PRSS48: variants seen among roughly 807,000 people sequenced by gnomAD.
PRSS48 encodes the protein epidermis-specific serine protease-like protein.
In PRSS48, 21 loss-of-function variants were observed where a neutral mutation model predicts 25.6. The observed-to-expected ratio is 0.82, with a 90% confidence interval of 0.58 to 1.18. PRSS48 has a LOEUF of 1.18. Among genes scored for constraint, PRSS48 ranks in the 50% most tolerant of loss-of-function variants. The probability of loss-of-function intolerance (pLI) is 0.00; values close to 1 mark genes in which losing one functional copy is unlikely to be tolerated. For missense variants in PRSS48, 373 were observed against 399.3 expected (o/e 0.93, Z 0.56); for synonymous variants, 150 against 149.3 (o/e 1.00, Z -0.04).
chr4:151,288,215 A>G (rs1449678425), intron 4 of PRSS48, among the ~76,000 whole-genome samples: 1 of 152,242 alleles, frequency 6.6e-6, no homozygotes, highest in African/African-American at 2.4e-5. Flanking sequence ...AGGTCAGGAA[A>G]GAGACAAGGA....
exon 5 of PRSS48, chr4:151,291,375 A>G: frequency 6.2e-7 from 1 of 1,614,014 alleles, no homozygotes; most frequent in Non-Finnish European, 8.5e-7. Context: ...TACACAGAGT[A>G]GGCACTGTAG....
At chr4:151,285,053 A>G (rs965060837) in intron 4 of PRSS48, among the ~76,000 whole-genome samples, 1 of 152,136 alleles carries the variant, frequency 6.6e-6, no homozygotes, top group Admixed American at 6.5e-5. Context: ...ACCAGCCACT[A>G]TGCATGATAA....
chr4:151,283,199 C>T (rs561332124), exon 4 of PRSS48: 46 of 1,613,848 alleles, frequency 2.9e-5, no homozygotes, highest in Middle Eastern at 1.6e-4. Context: ...ACAATCCCAT[C>T]GGTATCTTCT....
At chr4:151,277,776 C>T (rs775121395) in intron 1 of PRSS48, among the ~76,000 whole-genome samples, 14 of 152,314 alleles carry the variant, frequency 9.2e-5, no homozygotes, top group Non-Finnish European at 1.5e-4. Flanking sequence ...CACAGCAGCT[C>T]ACGCCTGTAA....
chr4:151,283,182 C>T lies in PRSS48; in HGVS notation c.547C>T (p.Gln183Ter), dbSNP rs1774414806. The change falls in exon 4 of 5, where the codon CAG becomes TAG. Residue 183 changes from glutamine to a stop codon, truncating the protein, a stop_gained. Transcript: ENST00000455694. LOFTEE classifies it high-confidence loss of function. ...CATTATTGACCGCCAGGCTTGTGAA[C>T]AGCTCTACAATCCCATCGGTATCTT... is the stretch of plus-strand genomic sequence containing the variant. The T allele has an allele frequency of 6.2e-7, 1 of 1,613,744 alleles. No individual in the cohort carries two copies.
At chr4:151,282,289 A>T in exon 3 of PRSS48, 1 of 1,613,914 alleles carries the variant, frequency 6.2e-7, no homozygotes, top group Non-Finnish European at 8.5e-7. Context: ...CCTTGTTGAA[A>T]CTGTCCTCTC....
intron 4 of PRSS48, among the ~76,000 whole-genome samples, chr4:151,290,713 A>G (rs1775239095): frequency 6.6e-6 from 1 of 152,220 alleles, no homozygotes. Flanking sequence ...GAAAGAGAAC[A>G]AGACTAGAAG....
At chr4:151,290,735 C>T (rs1242788558) in intron 4 of PRSS48, among the ~76,000 whole-genome samples, 1 of 152,176 alleles carries the variant, frequency 6.6e-6, no homozygotes, top group Non-Finnish European at 1.5e-5. Flanking sequence ...CTACTACCAA[C>T]AACTATCACT....
intron 4 of PRSS48, among the ~76,000 whole-genome samples, chr4:151,288,366 T>C (rs1251541455): frequency 2.6e-5 from 4 of 152,176 alleles, no homozygotes; most frequent in South Asian, 2.1e-4. Flanking sequence ...ATTTTATAAA[T>C]AGAAAATCTA....
At chr4:151,283,789 T>G (rs1413052126) in intron 4 of PRSS48, among the ~76,000 whole-genome samples, 3 of 152,144 alleles carry the variant, frequency 2.0e-5, no homozygotes, top group Non-Finnish European at 4.4e-5. Flanking sequence ...TTGCTAGACT[T>G]TTATAGACCT....
intron 2 of PRSS48, among the ~76,000 whole-genome samples, 189 bp downstream of exon 2, chr4:151,280,147 A>G (rs1275401347): frequency 6.6e-6 from 1 of 152,272 alleles, no homozygotes; most frequent in Non-Finnish European, 1.5e-5. Flanking sequence ...AAAGTTGGAG[A>G]CAGGCACTAT....
At chr4:151,277,345 A>T (rs944643760) in intron 1 of PRSS48, 121 bp downstream of exon 1, 13 of 650,882 alleles carry the variant, frequency 2.0e-5, no homozygotes, top group Non-Finnish European at 2.7e-5. Context: ...CAGCCTGAGA[A>T]GGTCCTGAGA....
rs1270190141 is a variant in PRSS48, at chr4:151,283,149, G to A, written c.514G>A (p.Glu172Lys). Reference sequence around the variant, plus strand: ...TTACCATTCTGCCCTTCAGGAAGCAGAAGTACCCATTATTGACCGCCAGGC... The same window carrying A: ...TTACCATTCTGCCCTTCAGGAAGCAAAAGTACCCATTATTGACCGCCAGGC... The change falls in exon 4 of 5, where the codon GAA (glutamate) becomes AAA (lysine). Residue 172 changes from glutamate (E) to lysine (K), a missense_variant. Coordinates refer to ENST00000455694, the Ensembl canonical transcript of PRSS48. The A allele has an allele frequency of 1.9e-6, 3 of 1,613,748 alleles. No homozygotes were observed. The African/African-American group carries it at 4.0e-5, about 22-fold the overall frequency.
At chr4:151,288,697 AG>A (rs1300952176) in intron 4 of PRSS48, among the ~76,000 whole-genome samples, 1 of 152,140 alleles carries the variant, frequency 6.6e-6, no homozygotes, top group Non-Finnish European at 1.5e-5. Context: ...AAAAGAAAAA[AG>A]CAACTGTATT....
intron 3 of PRSS48, among the ~76,000 whole-genome samples, 192 bp downstream of exon 3, chr4:151,282,605 A>G (rs1774359002): frequency 6.6e-6 from 1 of 152,186 alleles, no homozygotes; most frequent in South Asian, 2.1e-4. Flanking sequence ...TTACTCTTGC[A>G]TCTTGCAGAG....
At chr4:151,290,644 T>G (rs890038261) in intron 4 of PRSS48, among the ~76,000 whole-genome samples, 7 of 152,234 alleles carry the variant, frequency 4.6e-5, no homozygotes, top group African/African-American at 1.7e-4. Context: ...GTAAATATAC[T>G]AAAAACCACT....
At chr4:151,282,571 T>C (rs1470393883) in intron 3 of PRSS48, among the ~76,000 whole-genome samples, 158 bp downstream of exon 3, 1 of 152,334 alleles carries the variant, frequency 6.6e-6, no homozygotes, top group East Asian at 1.9e-4. Context: ...AATATCTTTT[T>C]TGACATTTAT....
chr4:151,291,481 GGTGA>G, downstream of PRSS48: 1 of 1,432,386 alleles, frequency 7.0e-7, no homozygotes, highest in Non-Finnish European at 9.5e-7. Flanking sequence ...GCTAACCCTG[GGTGA>G]CTTTATTTAC....
At chr4:151,287,812 CG>C (rs1774959779) in intron 4 of PRSS48, among the ~76,000 whole-genome samples, 1 of 152,050 alleles carries the variant, frequency 6.6e-6, no homozygotes, top group South Asian at 2.1e-4. Context: ...ACCGGGAGGT[CG>C]AGGCCACAGT....
Sources: allele counts gnomAD v4.1 joint callset (sites outside exome capture counted in the v4.1 genomes callset), GRCh38; gene constraint gnomAD v4.1.1; transcripts MANE v1.5; gene names NCBI Gene and HGNC (gene_info 2026-07-23, HGNC 2026-07-21).